Variants in PRKAG2 observed in about 807,000 individuals in gnomAD.
The protein encoded by PRKAG2 is 5'-AMP-activated protein kinase subunit gamma-2.
PRKAG2 carries 26 observed loss-of-function variants against 69.6 expected under a neutral mutation model. The observed-to-expected ratio is 0.37, with a 90% CI of 0.27 to 0.52. PRKAG2 has a LOEUF of 0.52. PRKAG2 is among the 20% of genes least tolerant of loss of function. The pLI, the probability that PRKAG2 is intolerant of heterozygous loss-of-function variation, is 0.90. For missense variants in PRKAG2, 557 were observed against 740.0 expected (o/e 0.75, Z 2.87); for synonymous variants, 293 against 285.0 (o/e 1.03, Z -0.28).
chr7:151,865,741 C>T (rs183710070), intron 1 of PRKAG2, among the ~76,000 whole-genome samples: 23 of 152,238 alleles, frequency 1.5e-4, no homozygotes, highest in African/African-American at 4.1e-4. Flanking sequence ...GAGAAGAGGC[C>T]GGGCGCAGTG....
intron 5 of PRKAG2, among the ~76,000 whole-genome samples, chr7:151,629,579 A>G (rs1823880547): frequency 6.6e-6 from 1 of 152,214 alleles, no homozygotes; most frequent in Admixed American, 6.5e-5. Flanking sequence ...CAGGCCAAAG[A>G]CGACCCAACT....
intron 2 of PRKAG2, among the ~76,000 whole-genome samples, chr7:151,784,259 GC>G (rs2076885166): frequency 6.6e-6 from 1 of 152,226 alleles, no homozygotes; most frequent in Non-Finnish European, 1.5e-5. Flanking sequence ...GGAAAGGTGA[GC>G]CCGGACCTGG....
intron 6 of PRKAG2, among the ~76,000 whole-genome samples, chr7:151,577,761 G>C (rs969308849): frequency 6.6e-6 from 1 of 150,650 alleles, no homozygotes; most frequent in Non-Finnish European, 1.5e-5. Flanking sequence ...ATACCAATGA[G>C]AAAAAAAATC....
At chr7:151,662,984 T>C (rs1211742787) in intron 4 of PRKAG2, among the ~76,000 whole-genome samples, 3 of 152,144 alleles carry the variant, frequency 2.0e-5, no homozygotes, top group African/African-American at 4.8e-5. Flanking sequence ...TTGGGAATCT[T>C]TGGGAGGCTG....
chr7:151,748,394 A>AT (rs1214504196), intron 3 of PRKAG2, among the ~76,000 whole-genome samples: 1 of 152,158 alleles, frequency 6.6e-6, no homozygotes, highest in East Asian at 1.9e-4. Context: ...CAAAAGATTG[A>AT]TTTTTTTAAA....
intron 9 of PRKAG2, among the ~76,000 whole-genome samples, chr7:151,571,904 A>G (rs749864256): frequency 3.9e-5 from 6 of 152,198 alleles, no homozygotes; most frequent in Non-Finnish European, 8.8e-5. Context: ...TTTTGAATTC[A>G]AAATTTTCCT....
At chr7:151,644,587 C>G (rs190899886) in intron 4 of PRKAG2, among the ~76,000 whole-genome samples, 47 of 152,312 alleles carry the variant, frequency 3.1e-4, no homozygotes, top group East Asian at 1.9e-4. Flanking sequence ...TATTCATTCA[C>G]CAGTTGATGG....
intron 3 of PRKAG2, among the ~76,000 whole-genome samples, chr7:151,677,908 G>A (rs1457782078): frequency 6.6e-6 from 1 of 152,186 alleles, no homozygotes. Flanking sequence ...TTTGCGAATC[G>A]TTCATTGCTC....
At position 151,638,047 on chromosome 7, in the gene PRKAG2, T is replaced by A. The variant is rs1262313592; in HGVS notation, c.685-5909A>T. 6.6e-6 allele frequency among the ~76,000 whole-genome samples: 1 copy of A among 152,090 alleles called. No individual in the cohort carries two copies. Among genetic ancestry groups the A allele is most frequent in the African/African-American group, 2.4e-5 (1 of 41,388 alleles). Reference sequence around the variant, plus strand: ...TCTCAGTCCATCAGCATCAGGGATGTTTGATGTAGCAAAAACAGACCAAAT... The same window carrying A: ...TCTCAGTCCATCAGCATCAGGGATGATTGATGTAGCAAAAACAGACCAAAT... On this transcript the variant is annotated intron_variant, in intron 4 of 15. Transcript: ENST00000287878. The surrounding 1 kb of genome is among the most constrained non-coding windows in gnomAD (Gnocchi z 4.3).
intron 3 of PRKAG2, among the ~76,000 whole-genome samples, chr7:151,706,426 C>T (rs60815793): frequency 0.051 from 7,821 of 152,276 alleles, 380 homozygotes; most frequent in African/African-American, 0.12. Context: ...AACTCATCTC[C>T]CAGACTGTGA....
chr7:151,716,716 A>T (rs1484533624), intron 3 of PRKAG2, among the ~76,000 whole-genome samples: 2 of 152,248 alleles, frequency 1.3e-5, no homozygotes, highest in Non-Finnish European at 2.9e-5. Flanking sequence ...AACGGGGACC[A>T]GTGAAATTAG....
At position 151,560,573 on chromosome 7, in the gene PRKAG2, A is replaced by T. The variant is rs1258497596; in HGVS notation, c.1629T>A (p.Gly543=). 3 of 1,613,870 alleles carry T rather than the reference A, an allele frequency of 1.9e-6. No individual in the cohort carries two copies. The highest frequency in any genetic ancestry group is 2.5e-6 in the Non-Finnish European group (3 of 1,179,814). ...VVVNEADSIV[G]IISLSDILQA... is the part of the protein sequence containing the mutation. Reference sequence around the variant, plus strand: ...GCAGAATGTCCGACAGGGAAATAATACCCACAATACTATCTGCTTCATTTA... The same window carrying T: ...GCAGAATGTCCGACAGGGAAATAATTCCCACAATACTATCTGCTTCATTTA... The change falls in exon 15 of 16, where the codon GGT becomes GGA. Residue 543 remains glycine, a synonymous_variant. Transcript: ENST00000287878.
chr7:151,800,128 T>G (rs1029218926), intron 1 of PRKAG2, among the ~76,000 whole-genome samples: 1 of 149,468 alleles, frequency 6.7e-6, no homozygotes, highest in Non-Finnish European at 1.5e-5. Context: ...GAGGCCGAGG[T>G]GGGCGGATCA....
At chr7:151,601,294 C>T (rs1212974797) in intron 5 of PRKAG2, among the ~76,000 whole-genome samples, 1 of 152,192 alleles carries the variant, frequency 6.6e-6, no homozygotes, top group Non-Finnish European at 1.5e-5. Context: ...CAGCATTTTA[C>T]TTCTGTCTCA....
chr7:151,557,639 G>C (rs1804034885), intron 15 of PRKAG2: 2 of 800,626 alleles, frequency 2.5e-6, no homozygotes, highest in Non-Finnish European at 3.0e-6. Flanking sequence ...GGAGGCCGAG[G>C]CGGGCGGATC....
chr7:151,629,386 G>A (rs1007835146), intron 5 of PRKAG2, among the ~76,000 whole-genome samples: 5 of 152,208 alleles, frequency 3.3e-5, no homozygotes, highest in Admixed American at 2.0e-4. Context: ...TATGCACAGA[G>A]AGGGAGGGGC....
At chr7:151,757,003 A>C (rs1023175591) in intron 3 of PRKAG2, among the ~76,000 whole-genome samples, 3 of 152,050 alleles carry the variant, frequency 2.0e-5, no homozygotes, top group Non-Finnish European at 4.4e-5. Flanking sequence ...CTGGAGTCCT[A>C]AAATTACTCG....
intron 4 of PRKAG2, among the ~76,000 whole-genome samples, chr7:151,654,351 T>A (rs1049217311): frequency 1.3e-5 from 2 of 152,166 alleles, no homozygotes; most frequent in African/African-American, 4.8e-5. Context: ...CTTCCCCTCC[T>A]TAACTCATAT....
intron 3 of PRKAG2, among the ~76,000 whole-genome samples, chr7:151,696,761 GATCACACC>G (rs1321978356): frequency 1.8e-4 from 28 of 152,164 alleles, no homozygotes; most frequent in Non-Finnish European, 3.8e-4. Context: ...AGATAAAAAC[GATCACACC>G]AGGGAGGAGA....
Sources: allele counts gnomAD v4.1 joint callset (sites outside exome capture counted in the v4.1 genomes callset), GRCh38; gene constraint gnomAD v4.1.1; non-coding constraint Gnocchi (gnomAD v3.1); transcripts MANE v1.5; gene names NCBI Gene and HGNC (gene_info 2026-07-23, HGNC 2026-07-21).